ANKRD44: variants seen among roughly 807,000 people sequenced by gnomAD.
ANKRD44 encodes serine/threonine-protein phosphatase 6 regulatory ankyrin repeat subunit B.
Under a neutral mutation model 116.0 loss-of-function variants are expected in ANKRD44, and 35 were observed. The ratio of observed to expected loss-of-function variants is 0.30; its 90% CI spans 0.23 to 0.40. The LOEUF is 0.40. Among genes scored for constraint, ANKRD44 ranks in the 10% least tolerant of loss-of-function variants. The pLI is 1.00. For synonymous variants in ANKRD44, 435 were observed against 461.8 expected (o/e 0.94, Z 0.74); for missense variants, 1,014 against 1,242.6 (o/e 0.82, Z 2.77).
Position 197,013,584 on chromosome 2 carries a change from T to G in ANKRD44, c.1851A>C (p.Glu617Asp). 1 of 1,614,180 alleles carries G rather than the reference T, an allele frequency of 6.2e-7. No individual in the cohort carries two copies. Among genetic ancestry groups the G allele is most frequent in the Non-Finnish European group, 8.5e-7 (1 of 1,180,018 alleles). The stretch of plus-strand genomic sequence containing the variant: ...TGGATGCGCCCTGATTGATAAGCGC[T>G]TCCACACATTCTGTGTGTCCTTTAA... ...AAFKGHTECV[E>D]ALINQGASIF... Residue 617 changes from glutamate (E) to aspartate (D), a missense_variant, in exon 18 of 28, where the codon GAA (glutamate) becomes GAC (aspartate). Transcript: ENST00000282272.
intron 17 of ANKRD44, 49 bp downstream of exon 17, chr2:197,025,147 C>T (rs770706300): frequency 1.9e-6 from 3 of 1,551,464 alleles, no homozygotes; most frequent in Non-Finnish European, 2.7e-6. Flanking sequence ...TTTAGGAATG[C>T]TTAGGTTGTT....
intron 16 of ANKRD44, among the ~76,000 whole-genome samples, chr2:197,064,300 A>G (rs1333845946): frequency 1.3e-5 from 2 of 152,190 alleles, no homozygotes; most frequent in Non-Finnish European, 2.9e-5. Context: ...TCCTGAAGGA[A>G]GCACTAAACA....
intron 4 of ANKRD44, among the ~76,000 whole-genome samples, chr2:197,128,685 T>C (rs2079031777): frequency 6.6e-6 from 1 of 152,236 alleles, no homozygotes; most frequent in Non-Finnish European, 1.5e-5. Context: ...CAATTGCTTT[T>C]GGTGTTTTCA....
At chr2:197,163,652 G>C (rs1227845832) in intron 2 of ANKRD44, among the ~76,000 whole-genome samples, 1 of 152,086 alleles carries the variant, frequency 6.6e-6, no homozygotes, top group Non-Finnish European at 1.5e-5. Context: ...AGTGCTGGGA[G>C]GGAGGACTGG....
chr2:197,244,730 T>C (rs2082155005), intron 1 of ANKRD44, among the ~76,000 whole-genome samples: 1 of 152,202 alleles, frequency 6.6e-6, no homozygotes, highest in Non-Finnish European at 1.5e-5. Flanking sequence ...GACAATCTTT[T>C]AAAGAGAGCT....
intron 4 of ANKRD44, among the ~76,000 whole-genome samples, chr2:197,132,769 T>C (rs1397098818): frequency 6.6e-6 from 1 of 152,082 alleles, no homozygotes; most frequent in East Asian, 1.9e-4. Context: ...TAGCTTAAAT[T>C]GAAAACCCAG....
intron 8 of ANKRD44, among the ~76,000 whole-genome samples, chr2:197,118,637 G>GAGAGAGAAAGAAAGAAAGAAAGAAAGAA (rs773839262): frequency 8.9e-6 from 1 of 112,358 alleles, no homozygotes; most frequent in African/African-American, 3.3e-5. Context: ...GAGAGAGAGA[G>GAGAGAGAAAGAAAGAAAGAAAGAAAGAA]AGAAAGAAAG....
intron 1 of ANKRD44, among the ~76,000 whole-genome samples, chr2:197,226,736 T>A (rs1042800661): frequency 6.6e-6 from 1 of 152,126 alleles, no homozygotes; most frequent in Non-Finnish European, 1.5e-5. Context: ...AACCACCTCA[T>A]TCCACAGGTA....
chr2:197,284,915 A>G (rs970730986), intron 1 of ANKRD44, among the ~76,000 whole-genome samples: 1 of 151,606 alleles, frequency 6.6e-6, no homozygotes, highest in African/African-American at 2.4e-5. Context: ...TTTTTTTTAC[A>G]TTATTCAATG....
intron 3 of ANKRD44, among the ~76,000 whole-genome samples, chr2:197,136,916 A>C (rs2079232156): frequency 6.6e-6 from 1 of 152,248 alleles, no homozygotes; most frequent in Non-Finnish European, 1.5e-5. Flanking sequence ...TTGGATAGAT[A>C]GGACATCAGG....
chr2:197,061,588 C>T (rs748307422), intron 16 of ANKRD44, among the ~76,000 whole-genome samples: 4 of 152,222 alleles, frequency 2.6e-5, no homozygotes, highest in East Asian at 3.9e-4. Flanking sequence ...AAAGCCCTTC[C>T]GAAGGAATTG....
chr2:197,050,977 T>TC (rs1327990692), intron 16 of ANKRD44, among the ~76,000 whole-genome samples: 1 of 151,142 alleles, frequency 6.6e-6, no homozygotes, highest in Non-Finnish European at 1.5e-5. Context: ...TACTTTTTTT[T>TC]TTTTTTTTTG....
intron 16 of ANKRD44, among the ~76,000 whole-genome samples, chr2:197,062,681 T>A (rs749373768): frequency 6.6e-6 from 1 of 152,238 alleles, no homozygotes; most frequent in Non-Finnish European, 1.5e-5. Context: ...ATCCTGCACC[T>A]GGCTCAGAAG....
chr2:197,166,854 T>C lies in ANKRD44; in HGVS notation c.112-19749A>G, dbSNP rs916318266. Among the ~76,000 whole-genome samples the C allele has an allele frequency of 7.2e-5, 11 of 152,244 alleles. 1 individual carries two copies. Among genetic ancestry groups the C allele is most frequent in the Non-Finnish European group, 1.6e-4 (11 of 68,024 alleles). ...TAGAATAACCTATCGCTAGGCTATA[T>C]TGACTTCTTGCAAATACCATTTAGG... On this transcript the variant is annotated intron_variant, in intron 2 of 27. Coordinates refer to ENST00000282272, the MANE Select transcript of ANKRD44 (RefSeq NM_001195144.2).
intron 1 of ANKRD44, among the ~76,000 whole-genome samples, chr2:197,275,516 C>T (rs2083052167): frequency 6.6e-6 from 1 of 151,290 alleles, no homozygotes; most frequent in Admixed American, 6.6e-5. Context: ...TATTCAAAGA[C>T]TGGTAGTTCA....
chr2:197,079,343 T>G (rs2077743105), intron 15 of ANKRD44, among the ~76,000 whole-genome samples: 1 of 152,152 alleles, frequency 6.6e-6, no homozygotes, highest in Non-Finnish European at 1.5e-5. Context: ...GGTAAGCATT[T>G]TTAAAGAATG....
At chr2:197,015,796 G>A (rs112995187) in intron 17 of ANKRD44, 29,386 of 506,914 alleles carry the variant, frequency 0.058, 1,303 homozygotes, top group African/African-American at 0.15. Flanking sequence ...TAGATATGGT[G>A]GTGGGGGATA....
chr2:197,005,587 T>C, intron 21 of ANKRD44, 107 bp downstream of exon 21: 2 of 1,039,452 alleles, frequency 1.9e-6, no homozygotes, highest in Non-Finnish European at 2.8e-6. Flanking sequence ...GCAGAAAGAT[T>C]AGAAACCATG....
intron 17 of ANKRD44, among the ~76,000 whole-genome samples, chr2:197,014,581 C>T (rs2076354702): frequency 6.6e-6 from 1 of 151,948 alleles, no homozygotes; most frequent in South Asian, 2.1e-4. Context: ...TGAGGTCAGG[C>T]ATTCGAGACC....
Sources: gnomAD v4.1 joint callset for allele counts (sites outside exome capture counted in the v4.1 genomes callset) on GRCh38, gnomAD v4.1.1 for gene constraint, MANE v1.5 for transcripts, NCBI Gene and HGNC (gene_info 2026-07-23, HGNC 2026-07-21) for gene names.